ADGRL3: variants seen among roughly 807,000 people sequenced by gnomAD.
ADGRL3 encodes the protein adhesion G protein-coupled receptor L3, also known as calcium-independent alpha-latrotoxin receptor 3.
Under a neutral mutation model 153.5 loss-of-function variants are expected in ADGRL3, and 62 were observed. The observed-to-expected ratio is 0.40, with a 90% CI of 0.33 to 0.50. The LOEUF (loss-of-function observed/expected upper bound fraction) is 0.50. Ranked by LOEUF, ADGRL3 falls within the 20% of genes least tolerant of loss-of-function variation. The pLI, the probability that ADGRL3 is intolerant of heterozygous loss-of-function variation, is 0.47. For missense variants in ADGRL3, 1,641 were observed against 1,859.4 expected (o/e 0.88, Z 2.16); for synonymous variants, 710 against 672.5 (o/e 1.06, Z -0.86).
At chr4:61,698,469 C>CA (rs1285920723) in intron 6 of ADGRL3, among the ~76,000 whole-genome samples, 1 of 151,600 alleles carries the variant, frequency 6.6e-6, no homozygotes, top group African/African-American at 2.4e-5. Flanking sequence ...ACAACAACAA[C>CA]AACAACAACA....
intron 21 of ADGRL3, among the ~76,000 whole-genome samples, chr4:62,005,165 TCAA>T (rs1211129716): frequency 2.6e-5 from 4 of 152,188 alleles, no homozygotes; most frequent in Non-Finnish European, 5.9e-5. Context: ...AGTCACTGAT[TCAA>T]AAAGCTGTTC....
At chr4:62,006,310 G>A (rs939968646) in intron 21 of ADGRL3, among the ~76,000 whole-genome samples, 4 of 151,622 alleles carry the variant, frequency 2.6e-5, no homozygotes, top group Non-Finnish European at 4.4e-5. Flanking sequence ...TGCCTGAGCC[G>A]CGGAGCCCAG....
chr4:61,895,844 G>GTGAC lies in ADGRL3; in HGVS notation c.1887+15_1887+18dup, dbSNP rs1554057166. On this transcript the variant is annotated intron_variant, in intron 11 of 26. Coordinates refer to ENST00000683033, the MANE Select transcript of ADGRL3 (RefSeq NM_001387552.1). ...TCATATAACACAGAAGGTAAATCTT[G>GTGAC]TGACTGACAAGAAAGTCTTTGCTAA... The GTGAC allele has an allele frequency of 6.7e-7, 1 of 1,491,220 alleles. No individual in the cohort carries two copies. Among genetic ancestry groups the GTGAC allele is most frequent in the Non-Finnish European group, 9.2e-7 (1 of 1,087,862 alleles). The allele number at this position is 1,491,220 out of a possible 1,614,324, so 92.4% of individuals were successfully genotyped here.
chr4:61,478,721 G>A (rs335328), intron 2 of ADGRL3, among the ~76,000 whole-genome samples: 143,485 of 152,104 alleles, frequency 0.94, 68,241 homozygotes, highest in East Asian at 1. Flanking sequence ...GCCATCTGAT[G>A]TTTACTGGCA....
rs186421037 is a variant in ADGRL3 at position 61,937,498 on chromosome 4, T to A, written c.2419+1453T>A. ...CCTCTCTATCATTCACTTTTTAGAA[T>A]AAGTCTACCTCTATAGGGAGAGTCT... is the stretch of plus-strand genomic sequence containing the variant. On this transcript the variant is annotated intron_variant, in intron 15 of 26. Transcript: ENST00000683033. Among the ~76,000 whole-genome samples, 11 of 152,058 alleles carry A rather than the reference T, an allele frequency of 7.2e-5. No homozygotes were observed. In the East Asian group the frequency reaches 2.1e-3, roughly 29 times the overall value.
intron 5 of ADGRL3, among the ~76,000 whole-genome samples, chr4:61,604,158 TG>T (rs2099022998): frequency 6.6e-6 from 1 of 152,064 alleles, no homozygotes; most frequent in Admixed American, 6.6e-5. Flanking sequence ...AAAGTGAAAA[TG>T]GGATCAGAAT....
At chr4:61,330,065 G>A (rs1163339384) in intron 1 of ADGRL3, among the ~76,000 whole-genome samples, 1 of 152,136 alleles carries the variant, frequency 6.6e-6, no homozygotes, top group African/African-American at 2.4e-5. Flanking sequence ...TGCATATGCT[G>A]GAAAATACCT....
At chr4:61,668,117 T>A (rs534619219) in intron 5 of ADGRL3, among the ~76,000 whole-genome samples, 1 of 152,344 alleles carries the variant, frequency 6.6e-6, no homozygotes, top group East Asian at 1.9e-4. Context: ...ATGAGCTGAT[T>A]ATCTTGGATT....
Position 61,635,515 on chromosome 4 carries a change from C to T in ADGRL3, c.474-41311C>T, listed in dbSNP as rs139359775. 1.7e-3 allele frequency among the ~76,000 whole-genome samples: 256 copies of T among 152,136 alleles called. 2 individuals carry two copies. The highest frequency in any genetic ancestry group is 5.8e-3 in the African/African-American group (242 of 41,490). Reference sequence around the variant, plus strand: ...AGTTGAGGTATACCTCTCATGCATCCGAGGACAGCACACAAGAACTAAGAA... The same window carrying T: ...AGTTGAGGTATACCTCTCATGCATCTGAGGACAGCACACAAGAACTAAGAA... On this transcript the variant is annotated intron_variant, in intron 5 of 26. Transcript: ENST00000683033.
At chr4:61,301,242 T>C (rs1390924360) in intron 1 of ADGRL3, among the ~76,000 whole-genome samples, 1 of 152,228 alleles carries the variant, frequency 6.6e-6, no homozygotes, top group Non-Finnish European at 1.5e-5. Flanking sequence ...TGCCATTTTA[T>C]TATAAATACA....
intron 21 of ADGRL3, among the ~76,000 whole-genome samples, chr4:62,005,995 CACACACACATAT>C (rs1207597246): frequency 7.9e-5 from 7 of 88,868 alleles, no homozygotes; most frequent in African/African-American, 2.9e-4. Context: ...CACACACACA[CACACACACATAT>C]ATATATATAT....
chr4:61,702,538 T>G (rs2095786644), intron 6 of ADGRL3, among the ~76,000 whole-genome samples: 1 of 152,228 alleles, frequency 6.6e-6, no homozygotes, highest in Non-Finnish European at 1.5e-5. Flanking sequence ...ATATTCATTC[T>G]GACTTTCATT....
chr4:61,530,332 A>T (rs532903848), intron 4 of ADGRL3, among the ~76,000 whole-genome samples: 10 of 152,030 alleles, frequency 6.6e-5, no homozygotes, highest in African/African-American at 2.4e-4. Flanking sequence ...GAGGACAACT[A>T]TATGGACCAA....
chr4:61,805,078 C>T (rs533124417), intron 8 of ADGRL3, among the ~76,000 whole-genome samples: 2 of 151,980 alleles, frequency 1.3e-5, no homozygotes, highest in African/African-American at 4.8e-5. Context: ...GCCTCAGCCT[C>T]CCCAGTAGCT....
At chr4:61,331,294 G>T (rs978693147) in intron 1 of ADGRL3, among the ~76,000 whole-genome samples, 14 of 152,082 alleles carry the variant, frequency 9.2e-5, no homozygotes, top group South Asian at 4.1e-4. Context: ...CATCAGAAAG[G>T]TTATGTAGGA....
intron 1 of ADGRL3, among the ~76,000 whole-genome samples, chr4:61,324,515 A>G (rs2095427227): frequency 1.3e-5 from 2 of 152,212 alleles, no homozygotes; most frequent in South Asian, 4.1e-4. Context: ...AAATAGCCCT[A>G]TGATTAAATG....
intron 7 of ADGRL3, among the ~76,000 whole-genome samples, chr4:61,732,283 A>C (rs1189313436): frequency 6.6e-6 from 1 of 152,098 alleles, no homozygotes; most frequent in Non-Finnish European, 1.5e-5. Context: ...TTCCTTTATC[A>C]AAAAATTACT....
chr4:61,416,153 A>G (rs1386421218), intron 2 of ADGRL3, among the ~76,000 whole-genome samples: 1 of 152,100 alleles, frequency 6.6e-6, no homozygotes, highest in African/African-American at 2.4e-5. Context: ...GTAAAAATCC[A>G]TAAAAATGCT....
chr4:62,059,556 A>G (rs1738951515), intron 25 of ADGRL3, among the ~76,000 whole-genome samples: 1 of 152,106 alleles, frequency 6.6e-6, no homozygotes, highest in Admixed American at 6.6e-5. Context: ...AAGGAGGGAC[A>G]TGCATTTTCC....
Sources: allele counts gnomAD v4.1 joint callset (sites outside exome capture counted in the v4.1 genomes callset), GRCh38; gene constraint gnomAD v4.1.1; transcripts MANE v1.5; gene names NCBI Gene and HGNC (gene_info 2026-07-23, HGNC 2026-07-21).